Variants in FGF12 observed in about 807,000 individuals in gnomAD.
FGF12 encodes the protein fibroblast growth factor 12B.
A neutral mutation model predicts 23.6 loss-of-function variants in FGF12; 14 were observed. The ratio of observed to expected loss-of-function variants is 0.59; its 90% CI spans 0.39 to 0.93. The LOEUF (loss-of-function observed/expected upper bound fraction) is 0.93. Ranked by LOEUF, FGF12 falls within the 40% of genes least tolerant of loss-of-function variation. The pLI, the probability that FGF12 is intolerant of heterozygous loss-of-function variation, is 0.00. For missense variants in FGF12, 175 were observed against 217.8 expected, an observed-to-expected ratio of 0.80 and a Z score of 1.24; for synonymous variants, 62 against 77.3, an observed-to-expected ratio of 0.80 and a Z score of 1.04.
At position 192,626,008 on chromosome 3, in the gene FGF12, G is replaced by A. The variant is rs142477476; in HGVS notation, c.13+101173C>T. Among the ~76,000 whole-genome samples, 450 of 152,300 alleles carry A rather than the reference G, an allele frequency of 3.0e-3. 2 individuals are homozygous for A. The highest frequency in any genetic ancestry group is 7.6e-3 in the Admixed American group (117 of 15,296). ...GACAGTCCCTGTTGACCCACATTCTGTAGCTTCTTATTTCCTCAGATTGCT... is the reference window on the plus strand; with the variant it reads ...GACAGTCCCTGTTGACCCACATTCTATAGCTTCTTATTTCCTCAGATTGCT... On this transcript the variant is annotated intron_variant, in intron 2 of 5. Transcript: ENST00000445105.
At chr3:192,567,762 T>TTTCC (rs1467924425) in intron 2 of FGF12, among the ~76,000 whole-genome samples, 2 of 128,568 alleles carry the variant, frequency 1.6e-5, no homozygotes, top group African/African-American at 6.0e-5. Flanking sequence ...TCTTTCTTTC[T>TTTCC]TTCTTTCTTT....
chr3:192,667,324 C>T (rs1353097397), intron 2 of FGF12, among the ~76,000 whole-genome samples: 1 of 152,104 alleles, frequency 6.6e-6, no homozygotes, highest in Non-Finnish European at 1.5e-5. Flanking sequence ...TGAGTAGAGG[C>T]TGGGTGTGGT....
At chr3:192,406,652 C>T (rs941413234) in intron 2 of FGF12, among the ~76,000 whole-genome samples, 1 of 152,142 alleles carries the variant, frequency 6.6e-6, no homozygotes, top group African/African-American at 2.4e-5. Context: ...TTTTTGTATA[C>T]TCCTGAAATT....
intron 2 of FGF12, among the ~76,000 whole-genome samples, chr3:192,498,824 T>C (rs1350022557): frequency 1.3e-5 from 2 of 152,260 alleles, no homozygotes; most frequent in Non-Finnish European, 2.9e-5. Context: ...ATAAAATGCA[T>C]TAATCTCTAT....
chr3:192,269,032 A>C (rs991211550), intron 4 of FGF12, among the ~76,000 whole-genome samples: 3 of 152,108 alleles, frequency 2.0e-5, no homozygotes, highest in Non-Finnish European at 2.9e-5. Flanking sequence ...CTCCTGCCTC[A>C]GCCTCCCTAG....
chr3:192,433,060 C>A (rs150369100), intron 2 of FGF12, among the ~76,000 whole-genome samples: 4 of 152,234 alleles, frequency 2.6e-5, no homozygotes, highest in African/African-American at 7.2e-5. Context: ...TCTCCTCCCA[C>A]CCCCTCGCTC....
chr3:192,278,796 CA>C (rs1365553276), intron 4 of FGF12, among the ~76,000 whole-genome samples: 1 of 152,156 alleles, frequency 6.6e-6, no homozygotes, highest in Non-Finnish European at 1.5e-5. Context: ...CCCTTAACTA[CA>C]GTAGGTAAGC....
chr3:192,630,914 TCA>T (rs1413060920), intron 2 of FGF12, among the ~76,000 whole-genome samples: 6 of 152,036 alleles, frequency 3.9e-5, no homozygotes, highest in African/African-American at 1.4e-4. Flanking sequence ...CCAAACTTCT[TCA>T]CTCTTCTTCC....
At chr3:192,591,709 T>C (rs1713632447) in intron 2 of FGF12, among the ~76,000 whole-genome samples, 2 of 151,844 alleles carry the variant, frequency 1.3e-5, no homozygotes, top group African/African-American at 4.8e-5. Flanking sequence ...GGAAAGGGGA[T>C]GGTATAGTTG....
At chr3:192,424,027 T>C (rs944678798) in intron 2 of FGF12, among the ~76,000 whole-genome samples, 6 of 152,078 alleles carry the variant, frequency 3.9e-5, no homozygotes, top group African/African-American at 1.4e-4. Flanking sequence ...TCGGACCTTT[T>C]CTTCACCCCG....
chr3:192,430,700 C>T (rs1721836626), intron 2 of FGF12, among the ~76,000 whole-genome samples: 1 of 151,922 alleles, frequency 6.6e-6, no homozygotes, highest in Admixed American at 6.6e-5. Context: ...TCCTATTATG[C>T]CTGAAGTAAT....
chr3:192,462,793 A>G (rs1176698378), intron 2 of FGF12, among the ~76,000 whole-genome samples: 1 of 152,168 alleles, frequency 6.6e-6, no homozygotes, highest in Non-Finnish European at 1.5e-5. Flanking sequence ...TTTATGTATA[A>G]AGTTTCATAT....
chr3:192,361,567 A>G (rs766856716), intron 2 of FGF12, among the ~76,000 whole-genome samples: 4 of 152,318 alleles, frequency 2.6e-5, no homozygotes, highest in Middle Eastern at 6.8e-3. Flanking sequence ...CAATCGCTGA[A>G]TTTAAGCTAG....
intron 2 of FGF12, among the ~76,000 whole-genome samples, chr3:192,512,859 T>TATATATATATATATATAAAAAA (rs376386122): frequency 1.7e-5 from 1 of 57,430 alleles, no homozygotes; most frequent in African/African-American, 6.5e-5. Flanking sequence ...TATATATATA[T>TATATATATATATATATAAAAAA]AACAGGCTAT....
At chr3:192,640,603 T>C (rs1015380334) in intron 2 of FGF12, among the ~76,000 whole-genome samples, 5 of 152,212 alleles carry the variant, frequency 3.3e-5, no homozygotes, top group African/African-American at 1.2e-4. Context: ...GGCCTGCCAG[T>C]GTCCACACAG....
intron 4 of FGF12, among the ~76,000 whole-genome samples, chr3:192,279,053 G>T (rs919638563): frequency 3.3e-5 from 5 of 151,910 alleles, no homozygotes; most frequent in African/African-American, 9.7e-5. Flanking sequence ...ATTATATTGA[G>T]CTGGGAAATT....
intron 2 of FGF12, among the ~76,000 whole-genome samples, chr3:192,548,591 C>T (rs762612817): frequency 6.6e-6 from 1 of 152,080 alleles, no homozygotes; most frequent in Non-Finnish European, 1.5e-5. Context: ...GCTCATCTAC[C>T]GTGTCTAAGA....
intron 2 of FGF12, among the ~76,000 whole-genome samples, chr3:192,484,853 C>T (rs907579906): frequency 6.6e-6 from 1 of 152,188 alleles, no homozygotes; most frequent in Non-Finnish European, 1.5e-5. Flanking sequence ...TAGACCAGAG[C>T]TCAGTTCAAA....
intron 2 of FGF12, among the ~76,000 whole-genome samples, chr3:192,466,144 A>C (rs994019575): frequency 4.6e-5 from 7 of 152,196 alleles, no homozygotes; most frequent in Non-Finnish European, 7.3e-5. Flanking sequence ...ACTGCACTTA[A>C]CACCACAGCT....
Sources: allele counts gnomAD v4.1 joint callset (sites outside exome capture counted in the v4.1 genomes callset), GRCh38; gene constraint gnomAD v4.1.1; transcripts MANE v1.5; gene names NCBI Gene and HGNC (gene_info 2026-07-23, HGNC 2026-07-21).